The following GLI1 variants were observed in gnomAD, a reference collection of about 807,000 sequenced individuals.
GLI1 encodes the protein GLI family zinc finger 1.
GLI1 carries 51 observed loss-of-function variants against 87.8 expected under a neutral mutation model. The observed-to-expected ratio is 0.58, with a 90% CI of 0.46 to 0.73. The LOEUF is 0.73. Ranked by LOEUF, GLI1 falls within the 30% of genes least tolerant of loss-of-function variation. The pLI is 0.00. For synonymous variants in GLI1, 528 were observed against 558.2 expected, an observed-to-expected ratio of 0.95 and a Z score of 0.76; for missense variants, 1,292 against 1,437.2, an observed-to-expected ratio of 0.90 and a Z score of 1.63.
At position 57,466,228 on chromosome 12, in the gene GLI1, C is replaced by A. The variant is rs770293722; in HGVS notation, c.763-12C>A. ...GGAGAGCCTTGGAGAGCCTTTGTATCTTCTCCCTCAGCACATCAACAGCGA... is the reference window on the plus strand; with the variant it reads ...GGAGAGCCTTGGAGAGCCTTTGTATATTCTCCCTCAGCACATCAACAGCGA... On this transcript the variant is annotated splice_polypyrimidine_tract_variant and intron_variant, in intron 7 of 11. Transcript: ENST00000228682. 8.7e-6 allele frequency: 14 copies of A among 1,608,824 alleles called. No homozygotes were observed. The highest frequency in any genetic ancestry group is 1.0e-5 in the Non-Finnish European group (12 of 1,176,776).
rs562623827 is a variant in GLI1 at position 57,462,028 on chromosome 12, G to A, written c.-27-1637G>A. Among the ~76,000 whole-genome samples, 4 of 152,354 alleles carry A rather than the reference G, an allele frequency of 2.6e-5. No homozygotes were observed. The South Asian group carries it at 8.3e-4, about 32-fold the overall frequency. Reference sequence around the variant, plus strand: ...GTGGAACGCGTGGGCGAGGAGGGGTGTAGCCCCATTTCCTTGGAGGCTCTT... The same window carrying A: ...GTGGAACGCGTGGGCGAGGAGGGGTATAGCCCCATTTCCTTGGAGGCTCTT... On this transcript the variant is annotated intron_variant, in intron 1 of 11. Transcript: ENST00000228682.
rs1263043549 is a variant in GLI1 at position 57,471,901 on chromosome 12, A to T, written c.3161A>T (p.Asp1054Val). The change falls in exon 12 of 12, where the codon GAT becomes GTT. Residue 1054 changes from aspartate (D) to valine (V), a missense_variant. This residue lies in a region of GLI1 where 897 missense variants were observed against 1,040.7 expected (regional missense o/e 0.86). Transcript: ENST00000228682. The surrounding 1 kb of genome is among the most constrained non-coding windows in gnomAD (Gnocchi z 4.9). ...CAGCTGGACTTTGTGGCTATTCTGG[A>T]TGAGCCCCAGGGGCTGAGTCCTCCT... Reference protein sequence around the residue: ...NTQLDFVAILDEPQGLSPPPS... With the variant: ...NTQLDFVAILVEPQGLSPPPS... 1 of 1,610,522 alleles carries T rather than the reference A, an allele frequency of 6.2e-7. No individual in the cohort carries two copies. Among genetic ancestry groups the T allele is most frequent in the Non-Finnish European group, 8.5e-7 (1 of 1,178,200 alleles).
At chr12:57,465,719 T>C in intron 6 of GLI1, 23 bp downstream of exon 6, 1 of 1,613,698 alleles carries the variant, frequency 6.2e-7, no homozygotes, top group Non-Finnish European at 8.5e-7. Context: ...GCAGGAGCTT[T>C]ACCTCTGGGA....
At chr12:57,466,455 C>A in intron 8 of GLI1, 66 bp downstream of exon 8, 1 of 1,261,928 alleles carries the variant, frequency 7.9e-7, no homozygotes, top group Non-Finnish European at 1.1e-6. Flanking sequence ...AAGGTAGGGC[C>A]CAAGGCAGAC....
In GLI1 at chr12:57,465,738, A is replaced by G. The variant is rs761232814; in HGVS notation, c.624+42A>G. The G allele has an allele frequency of 3.1e-6, 5 of 1,613,834 alleles. No individual in the cohort carries two copies. The East Asian group carries it at 1.1e-4, about 36-fold the overall frequency. ...GAGCTTTACCTCTGGGACCTGAGCA[A>G]AACTAAAGCTGTCACCCAAGTGACC... On this transcript the variant is annotated intron_variant, in intron 6 of 11. Coordinates refer to ENST00000228682, the MANE Select transcript of GLI1 (RefSeq NM_005269.3).
At chr12:57,469,999 A>C (rs536638080) in intron 11 of GLI1, among the ~76,000 whole-genome samples, 29 of 152,200 alleles carry the variant, frequency 1.9e-4, no homozygotes, top group Non-Finnish European at 3.4e-4. Context: ...TTGCACTCCA[A>C]CTTGAGCAAC....
At position 57,470,468 on chromosome 12, in the gene GLI1, C is replaced by G; in HGVS notation, c.1728C>G (p.Ser576=). 3 of 1,614,184 alleles carry G rather than the reference C, an allele frequency of 1.9e-6. No individual in the cohort carries two copies. Among genetic ancestry groups the G allele is most frequent in the Non-Finnish European group, 2.5e-6 (3 of 1,180,004 alleles). ...PPGSPPENGA[S]SLPGLMPAQH... is the part of the protein sequence containing the mutation. The stretch of plus-strand genomic sequence containing the variant: ...GCTCCCCACCAGAGAATGGAGCATC[C>G]TCCCTGCCTGGCCTTATGCCTGCCC... The change falls in exon 12 of 12, where the codon TCC becomes TCG. Residue 576 remains serine, a synonymous_variant. Coordinates refer to ENST00000228682, the MANE Select transcript of GLI1 (RefSeq NM_005269.3).
rs372139330 is a variant in GLI1, at chr12:57,463,972, C to T, written c.101-27C>T. 11 of 1,532,540 alleles carry T rather than the reference C, an allele frequency of 7.2e-6. No homozygotes were observed. In the Admixed American group the frequency reaches 1.8e-4, roughly 26 times the overall value. The allele number at this position is 1,532,540 out of a possible 1,614,324, so 94.9% of individuals were successfully genotyped here. On this transcript the variant is annotated intron_variant, in intron 2 of 11. Coordinates refer to ENST00000228682, the MANE Select transcript of GLI1 (RefSeq NM_005269.3). The stretch of plus-strand genomic sequence containing the variant: ...AGGTGAGGTTTATGTATCCTCCATT[C>T]CCATTCCAGCTGTCTCTTTTTTCTA...
At chr12:57,465,304 G>A in intron 5 of GLI1, 49 bp downstream of exon 5, 2 of 1,511,692 alleles carry the variant, frequency 1.3e-6, no homozygotes, top group Non-Finnish European at 1.8e-6. Context: ...CAGGGTGGGT[G>A]GGTGGTGGAT....
rs749783306 is a variant in GLI1, at chr12:57,470,334, C to G, written c.1594C>G (p.Arg532Gly). The part of the protein sequence containing the change: ...LSHTGTTVSR[R>G]VGPPVSLERR... ...ACTTGCAGGTACCACTGTGTCCCGC[C>G]GCGTGGGCCCCCCAGTCTCTCTTGA... The change falls in exon 12 of 12, where the codon CGC becomes GGC. Residue 532 changes from arginine (R) to glycine (G), a missense_variant. Coordinates refer to ENST00000228682, the MANE Select transcript of GLI1 (RefSeq NM_005269.3). 6.4e-7 allele frequency: 1 copy of G among 1,572,000 alleles called. No homozygotes were observed. Among genetic ancestry groups the G allele is most frequent in the African/African-American group, 1.4e-5 (1 of 73,786 alleles).
At chr12:57,467,305 T>C (rs759428665) in intron 8 of GLI1, 28 bp from the exon 9 acceptor site, 14 of 1,575,102 alleles carry the variant, frequency 8.9e-6, no homozygotes, top group South Asian at 8.0e-5. Context: ...GTCTGAGAAC[T>C]ATCCTTTGAC....
chr12:57,472,217 A>G lies in GLI1; in HGVS notation c.*156A>G, dbSNP rs1214711148. On this transcript the variant is annotated 3_prime_UTR_variant, in exon 12 of 12. Coordinates refer to ENST00000228682, the MANE Select transcript of GLI1 (RefSeq NM_005269.3). ...ATAGTCTGTATACGTTTTGAGGAGA[A>G]ATTTGATAATGACACTGTTTCCTGA... 4.9e-6 allele frequency: 3 copies of G among 606,784 alleles called. No individual in the cohort carries two copies. The African/African-American group carries it at 5.6e-5, about 11-fold the overall frequency. The allele number at this position is 606,784 out of a possible 1,614,324, so 37.6% of individuals were successfully genotyped here. A position where few individuals can be genotyped will look rare whatever the true frequency, so the allele number is the denominator to read the frequency against.
Position 57,470,965 on chromosome 12 carries a change from C to A in GLI1, c.2225C>A (p.Pro742His), listed in dbSNP as rs757297667. ...GGACCTGAAGGGGCAGCAGCTGAGCCTTATGGAGCGAGGGGTCCAGGCTCT... is the reference window on the plus strand; with the variant it reads ...GGACCTGAAGGGGCAGCAGCTGAGCATTATGGAGCGAGGGGTCCAGGCTCT... ...YGGPEGAAAE[P>H]YGARGPGSLP... The change falls in exon 12 of 12, where the codon CCT becomes CAT. Residue 742 changes from proline to histidine, a missense_variant. Physicochemically the swap from Pro to His is moderately conservative, Grantham distance 77. Transcript: ENST00000228682. 1.9e-6 allele frequency: 3 copies of A among 1,613,860 alleles called. No individual in the cohort carries two copies. In the East Asian group the frequency reaches 6.7e-5, roughly 36 times the overall value.
At position 57,468,102 on chromosome 12, in the gene GLI1, C is replaced by T. The variant is rs374429707; in HGVS notation, c.1186C>T (p.Arg396Trp). The T allele has an allele frequency of 1.1e-5, 17 of 1,613,998 alleles. No individual in the cohort carries two copies. The highest frequency in any genetic ancestry group is 4.5e-5 in the East Asian group (2 of 44,896). ...VHGPDAHVTK[R>W]HRGDGPLPRA... ...TGGTCCTGACGCCCATGTGACCAAA[C>T]GGCACCGTGGGGATGGCCCCCTGCC... The change falls in exon 10 of 12, where the codon CGG becomes TGG. Residue 396 changes from arginine (R) to tryptophan (W), a missense_variant. By Grantham distance (101) the Arg-to-Trp change is moderately radical. Around this residue, in one of 3 missense-constraint regions of GLI1, gnomAD observed 897 missense variants for 1,040.7 expected, o/e 0.86. Transcript: ENST00000228682.
At position 57,471,876 on chromosome 12, in the gene GLI1, C is replaced by G. The variant is rs758432160; in HGVS notation, c.3136C>G (p.Gln1046Glu). The G allele has an allele frequency of 1.3e-6, 2 of 1,598,070 alleles. No homozygotes were observed. The highest frequency in any genetic ancestry group is 1.7e-6 in the Non-Finnish European group (2 of 1,172,980). The stretch of plus-strand genomic sequence containing the variant: ...GGACTCTCTTGATCTTGACAACACT[C>G]AGCTGGACTTTGTGGCTATTCTGGA... The part of the protein sequence containing the change: ...PLDSLDLDNT[Q>E]LDFVAILDEP... Residue 1046 changes from glutamine to glutamate, a missense_variant, in exon 12 of 12, where the codon CAG becomes GAG. Gln to Glu is a conservative substitution (Grantham distance 29). Transcript: ENST00000228682. This position sits in a 1 kb window ranked among gnomAD's most constrained non-coding sequence, Gnocchi z 4.9.
At chr12:57,464,584 A>G in intron 3 of GLI1, 89 bp from the exon 4 acceptor site, 1 of 844,808 alleles carries the variant, frequency 1.2e-6, no homozygotes, top group Non-Finnish European at 1.9e-6. Context: ...ATCAAGTATC[A>G]TTGGTTTTGC....
In GLI1 at chr12:57,470,663, C is replaced by A; in HGVS notation, c.1923C>A (p.Asp641Glu). The change falls in exon 12 of 12, where the codon GAC becomes GAA. Residue 641 changes from aspartate (D) to glutamate (E), a missense_variant. This residue lies in a region of GLI1 where 897 missense variants were observed against 1,040.7 expected (regional missense o/e 0.86). Coordinates refer to ENST00000228682, the MANE Select transcript of GLI1 (RefSeq NM_005269.3). ...PNAGVTRRAS[D>E]PAQAADRPAP... Reference sequence around the variant, plus strand: ...CAGGGGTCACCCGGAGGGCCAGTGACCCAGCCCAGGCTGCTGACCGTCCTG... The same window carrying A: ...CAGGGGTCACCCGGAGGGCCAGTGAACCAGCCCAGGCTGCTGACCGTCCTG... The A allele has an allele frequency of 6.2e-7, 1 of 1,613,520 alleles. No homozygotes were observed. Among genetic ancestry groups the A allele is most frequent in the African/African-American group, 1.3e-5 (1 of 75,064 alleles).
chr12:57,465,077 AT>A (rs1871385116), intron 4 of GLI1, 33 bp from the exon 5 acceptor site: 3 of 1,610,006 alleles, frequency 1.9e-6, no homozygotes, highest in Non-Finnish European at 2.6e-6. Context: ...AGACTTCCTA[AT>A]TGTCTTAAGT....
At chr12:57,467,806 G>T (rs1458787475) in intron 9 of GLI1, among the ~76,000 whole-genome samples, 188 bp from the exon 10 acceptor site, 1 of 152,134 alleles carries the variant, frequency 6.6e-6, no homozygotes, top group Non-Finnish European at 1.5e-5. Context: ...TTCCCAGGCT[G>T]TCAGTTTTCC....
Sources: allele counts gnomAD v4.1 joint callset (sites outside exome capture counted in the v4.1 genomes callset), GRCh38; gene constraint gnomAD v4.1.1; regional missense constraint gnomAD v4.1.1; non-coding constraint Gnocchi (gnomAD v3.1); transcripts MANE v1.5; gene names NCBI Gene and HGNC (gene_info 2026-07-23, HGNC 2026-07-21).